FCHSD1: variants seen among roughly 807,000 people sequenced by gnomAD.
FCHSD1 encodes the protein F-BAR and double SH3 domains protein 1.
A neutral mutation model predicts 101.3 loss-of-function variants in FCHSD1; 109 were observed. That is an observed-to-expected ratio of 1.08 (90% CI 0.92 to 1.26). The LOEUF is 1.26. FCHSD1 is among the 50% of genes most tolerant of loss of function. The pLI is 0.00. For synonymous variants in FCHSD1, 291 were observed against 356.8 expected (o/e 0.82, Z 2.08); for missense variants, 820 against 895.8 (o/e 0.92, Z 1.08).
intron 3 of FCHSD1, 141 bp downstream of exon 3, chr5:141,650,218 T>C: frequency 8.7e-7 from 1 of 1,149,050 alleles, no homozygotes; most frequent in Non-Finnish European, 1.3e-6. Context: ...ATGGCTATAA[T>C]TACACAGCAG....
In FCHSD1 at chr5:141,640,695, A is replaced by G. The variant is rs2099906761; in HGVS notation, c.*803T>C. The G allele has an allele frequency of 1.9e-5, 29 of 1,534,170 alleles. No homozygotes were observed. Among genetic ancestry groups the G allele is most frequent in the Non-Finnish European group, 2.4e-5 (28 of 1,145,916 alleles). On this transcript the variant is annotated 3_prime_UTR_variant, in exon 20 of 20. Transcript: ENST00000435817. ...GTCTCCTTCATTGTGCTGATGGACT[A>G]CCAGCTGGCAGGGCCAGGGGGTGGG...
chr5:141,650,961 G>A, intron 2 of FCHSD1, 59 bp downstream of exon 2: 12 of 1,472,734 alleles, frequency 8.1e-6, no homozygotes, highest in South Asian at 1.2e-5. Flanking sequence ...ATGTATATTG[G>A]GGAGAAGTGG....
In FCHSD1 at chr5:141,641,329, G is replaced by T. The variant is rs541855186; in HGVS notation, c.*169C>A. Reference sequence around the variant, plus strand: ...TAGAACAATGGGAAAAAAAGGAGTGGGTTCCAGCTCTAGAAATGGGAAGGG... The same window carrying T: ...TAGAACAATGGGAAAAAAAGGAGTGTGTTCCAGCTCTAGAAATGGGAAGGG... On this transcript the variant is annotated 3_prime_UTR_variant, in exon 20 of 20. Transcript: ENST00000435817. 1 of 548,706 alleles carries T rather than the reference G, an allele frequency of 1.8e-6. No individual in the cohort carries two copies. The highest frequency in any genetic ancestry group is 3.0e-5 in the East Asian group (1 of 33,708). 34.0% of individuals were successfully genotyped at this position (548,706 alleles called of 1,614,324 possible).
chr5:141,641,277 A>G lies in FCHSD1; in HGVS notation c.*221T>C. ...ACCCTAGATAGGGTCATGACAGAAG[A>G]GAAGGTAGTTCCGGTCCTAGAGATG... On this transcript the variant is annotated 3_prime_UTR_variant, in exon 20 of 20. Coordinates refer to ENST00000435817, the MANE Select transcript of FCHSD1 (RefSeq NM_033449.3). 1 of 454,328 alleles carries G rather than the reference A, an allele frequency of 2.2e-6. No individual in the cohort carries two copies. The highest frequency in any genetic ancestry group is 3.8e-6 in the Non-Finnish European group (1 of 260,538). The allele number at this position is 454,328 out of a possible 1,614,324, so 28.1% of individuals were successfully genotyped here.
At position 141,641,234 on chromosome 5, in the gene FCHSD1, G is replaced by A; in HGVS notation, c.*264C>T. 2 of 398,018 alleles carry A rather than the reference G, an allele frequency of 5.0e-6. No individual in the cohort carries two copies. The highest frequency in any genetic ancestry group is 8.9e-6 in the Non-Finnish European group (2 of 224,408). 24.7% of individuals were successfully genotyped at this position (398,018 alleles called of 1,614,324 possible). A position where few individuals can be genotyped will look rare whatever the true frequency, so the allele number is the denominator to read the frequency against. ...TTGATGGATGGTTTCCAGCCCCAGAGATTTCAGGCATTTCACCACCCTAGA... is the reference window on the plus strand; with the variant it reads ...TTGATGGATGGTTTCCAGCCCCAGAAATTTCAGGCATTTCACCACCCTAGA... On this transcript the variant is annotated 3_prime_UTR_variant, in exon 20 of 20. Transcript: ENST00000435817.
chr5:141,643,219 T>TGGGG (rs10699129), intron 17 of FCHSD1, 131 bp from the exon 18 acceptor site: 23,174 of 558,244 alleles, frequency 0.042, 1,029 homozygotes, highest in African/African-American at 0.16. Context: ...TTGCATTCGG[T>TGGGG]GGGGGGGTGT....
chr5:141,650,716 G>A (rs1013972731), intron 2 of FCHSD1, among the ~76,000 whole-genome samples: 4 of 152,044 alleles, frequency 2.6e-5, no homozygotes, highest in African/African-American at 9.7e-5. Flanking sequence ...CCTTCCAACA[G>A]GTCTGGAAGA....
At chr5:141,643,302 A>C (rs1401285426) in intron 17 of FCHSD1, among the ~76,000 whole-genome samples, 1 of 152,024 alleles carries the variant, frequency 6.6e-6, no homozygotes. Flanking sequence ...TTCTGCTAGC[A>C]CTTCACGTGT....
Position 141,642,981 on chromosome 5 carries a change from T to C in FCHSD1, c.1951+20A>G, listed in dbSNP as rs2099907145. 1 of 1,553,580 alleles carries C rather than the reference T, an allele frequency of 6.4e-7. No individual in the cohort carries two copies. Among genetic ancestry groups the C allele is most frequent in the Non-Finnish European group, 8.7e-7 (1 of 1,148,840 alleles). On this transcript the variant is annotated intron_variant, in intron 18 of 19. Coordinates refer to ENST00000435817, the MANE Select transcript of FCHSD1 (RefSeq NM_033449.3). Reference sequence around the variant, plus strand: ...TTCCTGTCTGTTAGCCTCCCAAGGCTCCCAGTTCCTTCCACTCACCCCCAG... The same window carrying C: ...TTCCTGTCTGTTAGCCTCCCAAGGCCCCCAGTTCCTTCCACTCACCCCCAG...
At position 141,647,727 on chromosome 5, in the gene FCHSD1, A is replaced by G. The variant is rs1424734971; in HGVS notation, c.706-207T>C. The G allele has an allele frequency of 5.2e-6, 5 of 966,774 alleles. No individual in the cohort carries two copies. In the East Asian group the frequency reaches 8.0e-5, roughly 15 times the overall value. The allele number at this position is 966,774 out of a possible 1,614,324, so 59.9% of individuals were successfully genotyped here. On this transcript the variant is annotated intron_variant, in intron 8 of 19. Coordinates refer to ENST00000435817, the MANE Select transcript of FCHSD1 (RefSeq NM_033449.3). ...CTCTCCTTTGAGCCCCACTAGTGCT[A>G]TAAGATAGGCAGAGAAAGGGTTATC...
In FCHSD1 at chr5:141,649,419, G is replaced by A. The variant is rs762851085; in HGVS notation, c.351C>T (p.Ser117=). 26 of 1,613,808 alleles carry A rather than the reference G, an allele frequency of 1.6e-5. No homozygotes were observed. The highest frequency in any genetic ancestry group is 1.5e-4 in the Admixed American group (9 of 59,990). ...CCTTCCTAAGCACCTGCTCCTTGGC[G>A]CTCCGCCCTGTACCCCCTGCTAGGT... The part of the protein sequence containing the change: ...YRDLAGGTGR[S]AKEQVLRKGT... Residue 117 remains serine (S), a synonymous_variant, in exon 5 of 20, where the codon AGC becomes AGT. Coordinates refer to ENST00000435817, the MANE Select transcript of FCHSD1 (RefSeq NM_033449.3). This position sits in a 1 kb window ranked among gnomAD's most constrained non-coding sequence, Gnocchi z 4.1.
rs1281758374 is a variant in FCHSD1 at position 141,645,834 on chromosome 5, A to C, written c.1248T>G (p.Asp416Glu). The change falls in exon 13 of 20, where the codon GAT becomes GAG. Residue 416 changes from aspartate (D) to glutamate (E), a missense_variant. Asp to Glu is a conservative substitution (Grantham distance 45). Coordinates refer to ENST00000435817, the MANE Select transcript of FCHSD1 (RefSeq NM_033449.3). ...TGAGCCGCCGCTCCTGCTCCACCTC[A>C]TCCTGGGCCTGGGTCATGGCTGGCT... ...WLKPAMTQAQ[D>E]EVEQERRLSE... 2 of 1,608,714 alleles carry C rather than the reference A, an allele frequency of 1.2e-6. No individual in the cohort carries two copies.
Position 141,645,811 on chromosome 5 carries a change from A to C in FCHSD1, c.1271T>G (p.Leu424Arg). The change falls in exon 13 of 20, where the codon CTC becomes CGC. Residue 424 changes from leucine to arginine, a missense_variant. Leu to Arg is a moderately radical substitution (Grantham distance 102). Coordinates refer to ENST00000435817, the MANE Select transcript of FCHSD1 (RefSeq NM_033449.3). ...CCTCTGGGACAGCCGAGCCTCACTG[A>C]GCCGCCGCTCCTGCTCCACCTCATC... ...AQDEVEQERR[L>R]SEARLSQRDL... 3 of 1,609,956 alleles carry C rather than the reference A, an allele frequency of 1.9e-6. No individual in the cohort carries two copies. The South Asian group carries it at 3.3e-5, about 18-fold the overall frequency.
chr5:141,648,945 C>T lies in FCHSD1; in HGVS notation c.576+12G>A, dbSNP rs760139173. On this transcript the variant is annotated intron_variant, in intron 7 of 19. Transcript: ENST00000435817. ...TCTTCCCTGCCCCCACTCATGCCCT[C>T]ATCCCTCGAACCTTGGTGCTCAGTT... 11 of 1,613,958 alleles carry T rather than the reference C, an allele frequency of 6.8e-6. No homozygotes were observed. The highest frequency in any genetic ancestry group is 9.3e-6 in the Non-Finnish European group (11 of 1,179,844).
intron 7 of FCHSD1, among the ~76,000 whole-genome samples, chr5:141,648,322 G>A (rs1300840886): frequency 6.6e-6 from 1 of 152,168 alleles, no homozygotes; most frequent in East Asian, 1.9e-4. Flanking sequence ...GGTCCACCAC[G>A]TTCAATATGA....
chr5:141,641,593 A>G, intron 19 of FCHSD1, 30 bp from the exon 20 acceptor site: 1 of 1,588,892 alleles, frequency 6.3e-7, no homozygotes, highest in Non-Finnish European at 8.6e-7. Flanking sequence ...AGTGCTCCAG[A>G]GTTCTCCCTT....
chr5:141,643,000 C>T lies in FCHSD1; in HGVS notation c.1951+1G>A, dbSNP rs764074403. On this transcript the variant is annotated splice_donor_variant, in intron 18 of 19. Transcript: ENST00000435817. LOFTEE classifies it high-confidence loss of function. Reference sequence around the variant, plus strand: ...CAAGGCTCCCAGTTCCTTCCACTCACCCCCAGGCAGGACAGGTGCAGGGGG... The same window carrying T: ...CAAGGCTCCCAGTTCCTTCCACTCATCCCCAGGCAGGACAGGTGCAGGGGG... 44 of 1,561,044 alleles carry T rather than the reference C, an allele frequency of 2.8e-5. No individual in the cohort carries two copies. In the South Asian group the frequency reaches 3.9e-4, roughly 14 times the overall value.
In FCHSD1 at chr5:141,640,049, GC is replaced by G. The variant is rs772107241; in HGVS notation, c.*1448del. On this transcript the variant is annotated 3_prime_UTR_variant, in exon 20 of 20. Coordinates refer to ENST00000435817, the MANE Select transcript of FCHSD1 (RefSeq NM_033449.3). The stretch of plus-strand genomic sequence containing the variant: ...GTGGTCAGGGGTCTGGGGGAGGGCA[GC>G]CCAAGGCAGGGATGCCTGCCATGGA... The G allele has an allele frequency of 1.2e-5, 20 of 1,613,264 alleles. No homozygotes were observed. In the South Asian group the frequency reaches 2.1e-4, roughly 17 times the overall value.
chr5:141,650,370 C>G lies in FCHSD1; in HGVS notation c.154G>C (p.Glu52Gln). Reference sequence around the variant, plus strand: ...GAAAAGTCCCATACCTGCCCATACTCCCGTTCAATGGCTGCCCTCTGCTTG... The same window carrying G: ...GAAAAGTCCCATACCTGCCCATACTGCCGTTCAATGGCTGCCCTCTGCTTG... ...YSKQRAAIER[E>Q]YGQALQKLAG... The change falls in exon 3 of 20, where the codon GAG (glutamate) becomes CAG (glutamine). Residue 52 changes from glutamate to glutamine, a missense_variant. Coordinates refer to ENST00000435817, the MANE Select transcript of FCHSD1 (RefSeq NM_033449.3). 6.2e-7 allele frequency: 1 copy of G among 1,613,946 alleles called. No individual in the cohort carries two copies.
Sources: gnomAD v4.1 joint callset for allele counts (sites outside exome capture counted in the v4.1 genomes callset) on GRCh38, gnomAD v4.1.1 for gene constraint, Gnocchi (gnomAD v3.1) non-coding constraint, MANE v1.5 for transcripts, NCBI Gene and HGNC (gene_info 2026-07-23, HGNC 2026-07-21) for gene names.